Variants in XRCC6 observed in about 807,000 individuals in gnomAD.
XRCC6 encodes DNA repair protein Ku70.
In XRCC6, 5 loss-of-function variants were observed where a neutral mutation model predicts 65.7. The ratio of observed to expected loss-of-function variants is 0.08; its 90% CI spans 0.04 to 0.16. The LOEUF is 0.16. XRCC6 is among the 10% of genes least tolerant of loss of function. The pLI is 1.00. For synonymous variants in XRCC6, 270 were observed against 270.6 expected (o/e 1.00, Z 0.02); for missense variants, 447 against 738.1 (o/e 0.61, Z 4.57).
intron 6 of XRCC6, among the ~76,000 whole-genome samples, chr22:41,639,505 T>A (rs2067851143): frequency 6.7e-6 from 1 of 149,286 alleles, no homozygotes; most frequent in African/African-American, 2.5e-5. Context: ...TGCTGATTAT[T>A]TTTTATTTTT....
At chr22:41,652,047 G>A (rs2068004959) in intron 8 of XRCC6, among the ~76,000 whole-genome samples, 1 of 152,240 alleles carries the variant, frequency 6.6e-6, no homozygotes, top group Admixed American at 6.5e-5. Flanking sequence ...GCCTCCCAAA[G>A]TGCTGAGATT....
intron 6 of XRCC6, among the ~76,000 whole-genome samples, chr22:41,638,776 CAAAA>C (rs56677816): frequency 4.6e-5 from 3 of 65,700 alleles, no homozygotes; most frequent in Admixed American, 1.9e-4. Context: ...GACTCCGCCT[CAAAA>C]AAAAAAAAAA....
Position 41,657,009 on chromosome 22 carries a change from T to G in XRCC6, c.1398T>G (p.Val466=). 6.3e-7 allele frequency: 1 copy of G among 1,595,506 alleles called. No homozygotes were observed. Among genetic ancestry groups the G allele is most frequent in the Non-Finnish European group, 8.5e-7 (1 of 1,174,802 alleles). ...AGGTGGGCAAGATGAAGGCTATCGT[T>G]GAGAAGCTTCGCTTCACATACAGGT... ...PEQVGKMKAI[V]EKLRFTYRSD... Residue 466 remains valine, a synonymous_variant, in exon 10 of 13, where the codon GTT becomes GTG. Coordinates refer to ENST00000360079, the MANE Select transcript of XRCC6 (RefSeq NM_001469.5).
chr22:41,638,610 C>A (rs780244026), intron 6 of XRCC6, among the ~76,000 whole-genome samples: 7 of 151,882 alleles, frequency 4.6e-5, no homozygotes, highest in Non-Finnish European at 8.8e-5. Flanking sequence ...ATGGTGAAAC[C>A]TTGTTCTCTA....
intron 2 of XRCC6, among the ~76,000 whole-genome samples, chr22:41,622,934 G>A (rs1157885770): frequency 1.3e-5 from 2 of 148,886 alleles, no homozygotes. Flanking sequence ...GACAGAATGA[G>A]ACTCTCTCAG....
chr22:41,626,309 A>C (rs992004662), intron 2 of XRCC6, among the ~76,000 whole-genome samples: 1 of 119,460 alleles, frequency 8.4e-6, no homozygotes, highest in Non-Finnish European at 1.8e-5. Context: ...CACGCAGCTA[A>C]TTTTTGTATT....
intron 7 of XRCC6, among the ~76,000 whole-genome samples, chr22:41,647,581 CAAA>C (rs34674929): frequency 4.5e-5 from 6 of 134,252 alleles, no homozygotes; most frequent in Admixed American, 2.4e-4. Flanking sequence ...AACTCCGTCT[CAAA>C]AAAAAAAAAA....
In XRCC6 at chr22:41,645,521, T is replaced by C. The variant is rs187185656; in HGVS notation, c.774-1375T>C. On this transcript the variant is annotated intron_variant, in intron 6 of 12. Coordinates refer to ENST00000360079, the MANE Select transcript of XRCC6 (RefSeq NM_001469.5). Reference sequence around the variant, plus strand: ...TCTCAGATGAGAACGTCCTATGGCCTTCTCCAGGGTCAGATATGCCCACCA... The same window carrying C: ...TCTCAGATGAGAACGTCCTATGGCCCTCTCCAGGGTCAGATATGCCCACCA... Among the ~76,000 whole-genome samples, 76 of 152,138 alleles carry C rather than the reference T, an allele frequency of 5.0e-4. 1 individual carries two copies. Among genetic ancestry groups the C allele is most frequent in the Middle Eastern group, 6.8e-3 (2 of 292 alleles).
chr22:41,632,053 G>A (rs889098638), intron 3 of XRCC6, among the ~76,000 whole-genome samples: 3 of 152,156 alleles, frequency 2.0e-5, no homozygotes, highest in Non-Finnish European at 4.4e-5. Context: ...AGGCAGGGAG[G>A]TTGCAGTGAG....
chr22:41,638,557 G>T (rs1393451009), intron 6 of XRCC6, among the ~76,000 whole-genome samples: 1 of 152,086 alleles, frequency 6.6e-6, no homozygotes, highest in African/African-American at 2.4e-5. Flanking sequence ...ATGCCGAGGC[G>T]GGTGGATCAC....
chr22:41,658,458 C>A, intron 11 of XRCC6, 106 bp downstream of exon 11: 2 of 1,020,480 alleles, frequency 2.0e-6, no homozygotes. Flanking sequence ...AAACACTTAA[C>A]CTCATTCCCC....
chr22:41,663,313 C>T (rs2068116280), intron 12 of XRCC6, among the ~76,000 whole-genome samples: 1 of 152,144 alleles, frequency 6.6e-6, no homozygotes, highest in Admixed American at 6.5e-5. Flanking sequence ...ATTACCAAGG[C>T]TGGTCATGAA....
chr22:41,657,121 A>C, intron 10 of XRCC6, 89 bp downstream of exon 10: 1 of 1,432,892 alleles, frequency 7.0e-7, no homozygotes, highest in Non-Finnish European at 9.2e-7. Context: ...GAATGGCACT[A>C]CTCTTTTCAG....
In XRCC6 at chr22:41,636,762, G is replaced by A. The variant is rs1266166982; in HGVS notation, c.581G>A (p.Arg194Gln). 1.2e-6 allele frequency: 2 copies of A among 1,614,016 alleles called. No homozygotes were observed. ...GCCAGGACCAAAGCCGGTGATCTCC[G>A]AGATACAGGTGGGCATATTTCCCCG... ...SRARTKAGDL[R>Q]DTGIFLDLMH... Residue 194 changes from arginine (R) to glutamine (Q), a missense_variant, in exon 5 of 13, where the codon CGA becomes CAA. Transcript: ENST00000360079.
At chr22:41,652,999 T>TG (rs2068015481) in intron 8 of XRCC6, among the ~76,000 whole-genome samples, 1 of 152,194 alleles carries the variant, frequency 6.6e-6, no homozygotes, top group South Asian at 2.1e-4. Flanking sequence ...GTGGAATGTT[T>TG]GGGGCTTCTA....
In XRCC6 at chr22:41,658,333, A is replaced by G; in HGVS notation, c.1503A>G (p.Glu501=). Residue 501 remains glutamate, a synonymous_variant, in exon 11 of 13, where the codon GAA becomes GAG. Transcript: ENST00000360079. The part of the protein sequence containing the change: ...EALALDLMEP[E]QAVDLTLPKV... ...TGGCCTTGGATTTGATGGAGCCGGA[A>G]CAAGCAGTGGACCTGACATGTAAGG... 1 of 1,614,132 alleles carries G rather than the reference A, an allele frequency of 6.2e-7. No homozygotes were observed. The highest frequency in any genetic ancestry group is 8.5e-7 in the Non-Finnish European group (1 of 1,180,004).
At chr22:41,634,546 CTTTT>C (rs11322023) in intron 3 of XRCC6, among the ~76,000 whole-genome samples, 7 of 123,460 alleles carry the variant, frequency 5.7e-5, no homozygotes, top group Non-Finnish European at 8.7e-5. Flanking sequence ...GATGAACTCT[CTTTT>C]TTTTTTTTTT....
chr22:41,663,530 G>C, intron 12 of XRCC6, 92 bp from the exon 13 acceptor site: 14 of 1,423,400 alleles, frequency 9.8e-6, no homozygotes, highest in Non-Finnish European at 1.2e-5. Flanking sequence ...GTTAATTGCA[G>C]CCCAGATTAT....
At chr22:41,638,163 CTAAAG>C (rs911232886) in intron 6 of XRCC6, among the ~76,000 whole-genome samples, 4 of 152,118 alleles carry the variant, frequency 2.6e-5, no homozygotes, top group Admixed American at 6.5e-5. Flanking sequence ...TGATATTTCT[CTAAAG>C]TAACACAGCC....
Sources: gnomAD v4.1 joint callset for allele counts (sites outside exome capture counted in the v4.1 genomes callset) on GRCh38, gnomAD v4.1.1 for gene constraint, MANE v1.5 for transcripts, NCBI Gene and HGNC (gene_info 2026-07-23, HGNC 2026-07-21) for gene names.